Variants in TMEM132D observed in about 807,000 individuals in gnomAD.
The protein encoded by TMEM132D is mature OL transmembrane protein.
In TMEM132D, 21 loss-of-function variants were observed where a neutral mutation model predicts 62.3. The ratio of observed to expected loss-of-function variants is 0.34; its 90% CI spans 0.24 to 0.49. TMEM132D has a LOEUF of 0.49. Among genes scored for constraint, TMEM132D ranks in the 20% least tolerant of loss-of-function variants. The pLI is 0.99. For synonymous variants in TMEM132D, 621 were observed against 575.6 expected, an observed-to-expected ratio of 1.08 and a Z score of -1.13; for missense variants, 1,346 against 1,402.8, an observed-to-expected ratio of 0.96 and a Z score of 0.65.
chr12:129,226,904 TC>T (rs1454745581), intron 4 of TMEM132D, among the ~76,000 whole-genome samples: 1 of 152,190 alleles, frequency 6.6e-6, no homozygotes, highest in Non-Finnish European at 1.5e-5. Context: ...GAATAAGGTC[TC>T]CTTCATTCTG....
At chr12:129,860,924 T>C (rs1202076818) in intron 1 of TMEM132D, among the ~76,000 whole-genome samples, 1 of 152,128 alleles carries the variant, frequency 6.6e-6, no homozygotes, top group East Asian at 1.9e-4. Flanking sequence ...ATGATTCAAT[T>C]ATAGACACCT....
intron 2 of TMEM132D, 33 bp from the exon 3 acceptor site, chr12:129,531,238 G>A: frequency 6.4e-7 from 1 of 1,573,718 alleles, no homozygotes; most frequent in Non-Finnish European, 8.6e-7. Context: ...GTCTGAGTCA[G>A]CTCTGGGGAA....
At chr12:129,558,774 G>A (rs12231252) in intron 2 of TMEM132D, among the ~76,000 whole-genome samples, 16,998 of 152,128 alleles carry the variant, frequency 0.11, 1,260 homozygotes, top group East Asian at 0.42. Flanking sequence ...CTGGAGAAGC[G>A]TTGCATTTAC....
intron 4 of TMEM132D, among the ~76,000 whole-genome samples, chr12:129,233,325 A>G (rs1473205854): frequency 6.6e-6 from 1 of 152,184 alleles, no homozygotes; most frequent in Non-Finnish European, 1.5e-5. Flanking sequence ...ATGGTACCAC[A>G]GTTTCAGAAA....
chr12:129,516,509 T>C (rs540408004), intron 3 of TMEM132D, among the ~76,000 whole-genome samples: 148 of 152,270 alleles, frequency 9.7e-4, no homozygotes, highest in South Asian at 3.7e-3. Flanking sequence ...AAATGAGAGC[T>C]AAGTGAAAGG....
intron 3 of TMEM132D, among the ~76,000 whole-genome samples, chr12:129,503,165 C>A (rs1400113631): frequency 6.6e-6 from 1 of 152,140 alleles, no homozygotes; most frequent in Non-Finnish European, 1.5e-5. Context: ...AGCTGACAAA[C>A]CTGTACTTCC....
At chr12:129,812,617 T>C (rs1872220294) in intron 1 of TMEM132D, among the ~76,000 whole-genome samples, 1 of 151,812 alleles carries the variant, frequency 6.6e-6, no homozygotes, top group East Asian at 1.9e-4. Flanking sequence ...ACAGTGTCTA[T>C]CTTCTCTTGA....
rs1409882551 is a variant in TMEM132D, at chr12:129,744,243, T to C, written c.80-43545A>G. On this transcript the variant is annotated intron_variant, in intron 1 of 8. Transcript: ENST00000422113. Reference sequence around the variant, plus strand: ...TGTTAGCTATTACTGTGATATTTAATATCAATGTTCAACTGCTTACTATTG... The same window carrying C: ...TGTTAGCTATTACTGTGATATTTAACATCAATGTTCAACTGCTTACTATTG... Among the ~76,000 whole-genome samples, 4 of 152,234 alleles carry C rather than the reference T, an allele frequency of 2.6e-5. No individual in the cohort carries two copies. In the East Asian group the frequency reaches 5.8e-4, roughly 22 times the overall value.
chr12:129,213,515 C>G (rs1018535362), intron 4 of TMEM132D, among the ~76,000 whole-genome samples: 1 of 151,758 alleles, frequency 6.6e-6, no homozygotes, highest in Admixed American at 6.6e-5. Flanking sequence ...CAAAACAAAA[C>G]AAAACAAAAC....
At chr12:129,776,453 C>G (rs1244433485) in intron 1 of TMEM132D, among the ~76,000 whole-genome samples, 2 of 73,836 alleles carry the variant, frequency 2.7e-5, no homozygotes, top group Non-Finnish European at 9.3e-5. Flanking sequence ...TTCATTGTCA[C>G]CCACCCTTAC....
In TMEM132D at chr12:129,161,910, A is replaced by G. The variant is rs533366784; in HGVS notation, c.1443+47610T>C. Reference sequence around the variant, plus strand: ...CATATCGAAATGTTGAATGACCCAGAGAGGGGGATTCCTCTGGAGTGCAAA... The same window carrying G: ...CATATCGAAATGTTGAATGACCCAGGGAGGGGGATTCCTCTGGAGTGCAAA... On this transcript the variant is annotated intron_variant, in intron 5 of 8. Coordinates refer to ENST00000422113, the MANE Select transcript of TMEM132D (RefSeq NM_133448.3). Among the ~76,000 whole-genome samples, 260 of 152,282 alleles carry G rather than the reference A, an allele frequency of 1.7e-3. 2 individuals carry two copies. Among genetic ancestry groups the G allele is most frequent in the Non-Finnish European group, 2.7e-3 (183 of 68,004 alleles).
chr12:129,794,875 TA>T (rs1209714079), intron 1 of TMEM132D, among the ~76,000 whole-genome samples: 6 of 152,162 alleles, frequency 3.9e-5, no homozygotes, highest in Non-Finnish European at 7.3e-5. Flanking sequence ...TCCTCCTGCG[TA>T]AATAGGAAAG....
intron 5 of TMEM132D, among the ~76,000 whole-genome samples, chr12:129,129,466 A>T (rs1454159862): frequency 6.6e-6 from 1 of 152,142 alleles, no homozygotes; most frequent in Non-Finnish European, 1.5e-5. Flanking sequence ...TGCATATGTC[A>T]TGTTGGTGGA....
intron 1 of TMEM132D, among the ~76,000 whole-genome samples, chr12:129,786,707 A>G (rs10744433): frequency 0.5 from 75,470 of 152,172 alleles, 20,239 homozygotes; most frequent in Non-Finnish European, 0.61. Flanking sequence ...CCTGGCCAAC[A>G]TGGTGAAACC....
intron 2 of TMEM132D, among the ~76,000 whole-genome samples, chr12:129,636,308 T>C (rs796082412): frequency 1.3e-5 from 2 of 152,334 alleles, no homozygotes; most frequent in African/African-American, 4.8e-5. Flanking sequence ...CTATTTTGGG[T>C]AAAATGCTTT....
chr12:129,296,507 CA>C (rs1489914268), intron 4 of TMEM132D, among the ~76,000 whole-genome samples: 1 of 152,202 alleles, frequency 6.6e-6, no homozygotes, highest in Non-Finnish European at 1.5e-5. Context: ...TCTTCCTGAT[CA>C]GCAGACAAGT....
Position 129,711,531 on chromosome 12 carries a change from G to A in TMEM132D, c.80-10833C>T, listed in dbSNP as rs561050307. On this transcript the variant is annotated intron_variant, in intron 1 of 8. Coordinates refer to ENST00000422113, the MANE Select transcript of TMEM132D (RefSeq NM_133448.3). ...ACCTGAGGTCAGGTGTTCGAGACCA[G>A]CCTGATCAACATGGTGAAACCCCAT... Among the ~76,000 whole-genome samples, 241 of 152,144 alleles carry A rather than the reference G, an allele frequency of 1.6e-3. 1 individual carries two copies. Among genetic ancestry groups the A allele is most frequent in the African/African-American group, 5.6e-3 (234 of 41,504 alleles).
At chr12:129,087,236 G>A (rs117431837) in intron 5 of TMEM132D, among the ~76,000 whole-genome samples, 2,245 of 152,026 alleles carry the variant, frequency 0.015, 34 homozygotes, top group South Asian at 0.023. Context: ...CTGCCGTTTC[G>A]CGTCTGGTCT....
At chr12:129,086,279 A>G (rs1874619679) in intron 5 of TMEM132D, among the ~76,000 whole-genome samples, 1 of 152,106 alleles carries the variant, frequency 6.6e-6, no homozygotes, top group South Asian at 2.1e-4. Flanking sequence ...GGGCGTCCAC[A>G]TGGAGTTTTG....
Sources: gnomAD v4.1 joint callset for allele counts (sites outside exome capture counted in the v4.1 genomes callset) on GRCh38, gnomAD v4.1.1 for gene constraint, MANE v1.5 for transcripts, NCBI Gene and HGNC (gene_info 2026-07-23, HGNC 2026-07-21) for gene names.